Variants in CSMD1 observed in about 807,000 individuals in gnomAD.
CSMD1 encodes CUB and Sushi multiple domains 1.
CSMD1 carries 213 observed loss-of-function variants against 417.5 expected under a neutral mutation model. That is an observed-to-expected ratio of 0.51 (90% CI 0.46 to 0.57). The LOEUF is 0.57. CSMD1 is among the 20% of genes least tolerant of loss of function. CSMD1 has a pLI of 0.00. For synonymous variants in CSMD1, 2,862 were observed against 1,736.8 expected (o/e 1.65, Z -16.11); for missense variants, 6,923 against 4,529.7 (o/e 1.53, Z -15.17).
intron 1 of CSMD1, among the ~76,000 whole-genome samples, chr8:4,881,423 CT>C (rs1803389119): frequency 2.3e-5 from 1 of 44,248 alleles, no homozygotes; most frequent in Non-Finnish European, 6.8e-5. Context: ...ATCTATCTAT[CT>C]ATCTATCTAT....
chr8:3,857,376 A>G (rs1804383697), intron 5 of CSMD1, among the ~76,000 whole-genome samples: 1 of 152,206 alleles, frequency 6.6e-6, no homozygotes, highest in Non-Finnish European at 1.5e-5. Flanking sequence ...CTAAGATTTA[A>G]AGAGATTGGC....
At chr8:3,717,129 T>A (rs1176359475) in intron 6 of CSMD1, among the ~76,000 whole-genome samples, 2 of 152,204 alleles carry the variant, frequency 1.3e-5, no homozygotes, top group Non-Finnish European at 2.9e-5. Flanking sequence ...TAGCCCTGAC[T>A]TTAACCACAC....
At chr8:4,595,816 G>C (rs1043694184) in intron 2 of CSMD1, among the ~76,000 whole-genome samples, 2 of 152,104 alleles carry the variant, frequency 1.3e-5, no homozygotes, top group African/African-American at 2.4e-5. Context: ...CTCTCTTTCA[G>C]AGCTCCTGTT....
chr8:4,649,278 T>A (rs1422731837), intron 1 of CSMD1, among the ~76,000 whole-genome samples: 1 of 152,234 alleles, frequency 6.6e-6, no homozygotes, highest in Non-Finnish European at 1.5e-5. Context: ...CTGGAGTGAC[T>A]ATTGTATCTG....
chr8:4,201,331 G>A (rs1332083015), intron 3 of CSMD1, among the ~76,000 whole-genome samples: 1 of 152,026 alleles, frequency 6.6e-6, no homozygotes, highest in Non-Finnish European at 1.5e-5. Flanking sequence ...GAGGTCAGGA[G>A]ATCGAGACCA....
intron 2 of CSMD1, among the ~76,000 whole-genome samples, chr8:4,566,652 CAAAAAAAAAA>C (rs35448667): frequency 4.8e-5 from 3 of 62,824 alleles, no homozygotes; most frequent in Admixed American, 2.8e-4. Context: ...GACTCTGACT[CAAAAAAAAAA>C]AAAAAAAAAA....
intron 5 of CSMD1, among the ~76,000 whole-genome samples, chr8:3,951,330 G>T (rs1192038460): frequency 6.6e-6 from 1 of 152,190 alleles, no homozygotes; most frequent in Non-Finnish European, 1.5e-5. Flanking sequence ...TTAAGCACCA[G>T]CCCAGTGTCC....
intron 23 of CSMD1, among the ~76,000 whole-genome samples, chr8:3,318,045 C>T (rs1041080083): frequency 2.0e-4 from 30 of 152,308 alleles, no homozygotes; most frequent in African/African-American, 7.0e-4. Context: ...AAGTGATCTG[C>T]CCACCTTGGC....
Position 4,124,583 on chromosome 8 carries a change from C to T in CSMD1, c.416-92484G>A, listed in dbSNP as rs13276808. On this transcript the variant is annotated intron_variant, in intron 3 of 69. Coordinates refer to ENST00000635120, the MANE Select transcript of CSMD1 (RefSeq NM_033225.6). ...ACCTGCGCCCGGTAGTGGGGACCATCTGGGGTTTCCTGTGCCTGGCACCAG... is the reference window on the plus strand; with the variant it reads ...ACCTGCGCCCGGTAGTGGGGACCATTTGGGGTTTCCTGTGCCTGGCACCAG... 7.1e-3 allele frequency among the ~76,000 whole-genome samples: 1,083 copies of T among 152,264 alleles called. 7 individuals carry two copies. The highest frequency in any genetic ancestry group is 0.012 in the Non-Finnish European group (832 of 68,024).
At chr8:2,984,690 A>G (rs556079708) in intron 54 of CSMD1, among the ~76,000 whole-genome samples, 10 of 152,336 alleles carry the variant, frequency 6.6e-5, no homozygotes, top group South Asian at 2.1e-4. Context: ...GCCAGCGAAG[A>G]TGAGCAAATA....
At chr8:3,013,864 T>C (rs1317591368) in intron 52 of CSMD1, among the ~76,000 whole-genome samples, 4 of 152,080 alleles carry the variant, frequency 2.6e-5, no homozygotes, top group African/African-American at 7.2e-5. Context: ...ACTGAAGTCA[T>C]GATTCTGGAT....
rs915881153 is a variant in CSMD1 at position 3,404,762 on chromosome 8, TTA to T, written c.2266+1263_2266+1264del. ...TTATTATCATGAGATATGTATGTAT[TTA>T]TGACACATGTGCCTGCATCCTCTGT... On this transcript the variant is annotated intron_variant, in intron 15 of 69. Transcript: ENST00000635120. Among the ~76,000 whole-genome samples the T allele has an allele frequency of 3.4e-5, 5 of 147,068 alleles. No individual in the cohort carries two copies. The Admixed American group carries it at 3.4e-4, about 10-fold the overall frequency.
intron 55 of CSMD1, among the ~76,000 whole-genome samples, chr8:2,975,041 G>C (rs1467030827): frequency 6.6e-6 from 1 of 152,148 alleles, no homozygotes; most frequent in East Asian, 1.9e-4. Flanking sequence ...CATATTCTTT[G>C]CTTGCGGACA....
At chr8:4,563,764 C>T (rs559558177) in intron 2 of CSMD1, among the ~76,000 whole-genome samples, 14 of 152,160 alleles carry the variant, frequency 9.2e-5, no homozygotes, top group Non-Finnish European at 1.6e-4. Context: ...ACTAGACCAT[C>T]GGTGCAAGCC....
chr8:4,440,116 T>C (rs981313849), intron 2 of CSMD1, among the ~76,000 whole-genome samples: 2 of 152,214 alleles, frequency 1.3e-5, no homozygotes, highest in Non-Finnish European at 1.5e-5. Flanking sequence ...GAACTCATTC[T>C]CTTTAAAGTG....
At chr8:3,395,404 T>C (rs983413381) in intron 17 of CSMD1, among the ~76,000 whole-genome samples, 11 of 152,156 alleles carry the variant, frequency 7.2e-5, no homozygotes, top group African/African-American at 2.7e-4. Flanking sequence ...AATTGGCTAA[T>C]GTTAAAAATG....
chr8:3,527,448 G>C (rs2117488475), intron 10 of CSMD1, among the ~76,000 whole-genome samples: 3 of 152,294 alleles, frequency 2.0e-5, no homozygotes, highest in African/African-American at 4.8e-5. Flanking sequence ...AAAGATTACA[G>C]TCTGTGTGGG....
chr8:3,726,910 G>A (rs998555493), intron 6 of CSMD1, among the ~76,000 whole-genome samples: 2 of 152,170 alleles, frequency 1.3e-5, no homozygotes, highest in African/African-American at 4.8e-5. Context: ...TATCTGTTTA[G>A]CATCATACAC....
At chr8:4,161,789 G>A (rs757160938) in intron 3 of CSMD1, among the ~76,000 whole-genome samples, 3 of 152,114 alleles carry the variant, frequency 2.0e-5, no homozygotes, top group African/African-American at 4.8e-5. Flanking sequence ...TTGTGCAAAA[G>A]AAACAAAATT....
Sources: gnomAD v4.1 joint callset for allele counts (sites outside exome capture counted in the v4.1 genomes callset) on GRCh38, gnomAD v4.1.1 for gene constraint, MANE v1.5 for transcripts, NCBI Gene and HGNC (gene_info 2026-07-23, HGNC 2026-07-21) for gene names.